SLX4IP: variants seen among roughly 807,000 people sequenced by gnomAD.
The protein encoded by SLX4IP is protein SLX4IP.
A neutral mutation model predicts 32.9 loss-of-function variants in SLX4IP; 34 were observed. The observed-to-expected ratio is 1.03, with a 90% CI of 0.79 to 1.38. SLX4IP has a LOEUF of 1.38. Among genes scored for constraint, SLX4IP ranks in the 40% most tolerant of loss-of-function variants. The pLI, the probability that SLX4IP is intolerant of heterozygous loss-of-function variation, is 0.00. For synonymous variants in SLX4IP, 172 were observed against 171.7 expected (o/e 1.00, Z -0.01); for missense variants, 444 against 479.0 (o/e 0.93, Z 0.68).
intron 2 of SLX4IP, among the ~76,000 whole-genome samples, chr20:10,520,381 C>A (rs1255047900): frequency 6.6e-6 from 1 of 152,136 alleles, no homozygotes; most frequent in Non-Finnish European, 1.5e-5. Context: ...GGTTATTTAT[C>A]TTTTTATTGT....
At chr20:10,559,145 T>C (rs1419047741) in intron 3 of SLX4IP, among the ~76,000 whole-genome samples, 2 of 151,538 alleles carry the variant, frequency 1.3e-5, no homozygotes, top group Non-Finnish European at 2.9e-5. Context: ...AAAAAACCTA[T>C]GAGGCGGCAA....
At chr20:10,568,955 C>T (rs1472378707) in intron 4 of SLX4IP, among the ~76,000 whole-genome samples, 1 of 152,190 alleles carries the variant, frequency 6.6e-6, no homozygotes, top group African/African-American at 2.4e-5. Flanking sequence ...CCTAATCCTC[C>T]TCAAAAGTTC....
intron 2 of SLX4IP, among the ~76,000 whole-genome samples, chr20:10,482,712 T>C (rs2065534380): frequency 1.3e-5 from 2 of 152,152 alleles, no homozygotes; most frequent in Admixed American, 6.5e-5. Context: ...CTATACTTCA[T>C]AGAAGGAAAG....
chr20:10,540,282 C>G (rs562981914), intron 2 of SLX4IP, among the ~76,000 whole-genome samples: 2 of 151,762 alleles, frequency 1.3e-5, no homozygotes, highest in East Asian at 1.9e-4. Flanking sequence ...AACAAGCCGT[C>G]CTGGTGAATC....
chr20:10,584,339 G>A (rs1353299091), intron 4 of SLX4IP, among the ~76,000 whole-genome samples: 3 of 152,174 alleles, frequency 2.0e-5, no homozygotes, highest in Non-Finnish European at 2.9e-5. Flanking sequence ...CCTCTTCACT[G>A]TTGCTATAGA....
At chr20:10,503,690 A>T (rs2122417489) in intron 2 of SLX4IP, among the ~76,000 whole-genome samples, 1 of 152,302 alleles carries the variant, frequency 6.6e-6, no homozygotes, top group East Asian at 1.9e-4. Context: ...ATGGGTCTGG[A>T]TGCCAGAAGT....
At chr20:10,595,847 G>A (rs781397479) in intron 4 of SLX4IP, among the ~76,000 whole-genome samples, 2 of 152,150 alleles carry the variant, frequency 1.3e-5, no homozygotes, top group Non-Finnish European at 2.9e-5. Context: ...TTTGGATTAA[G>A]CAGGTGCAAA....
intron 3 of SLX4IP, 99 bp downstream of exon 3, chr20:10,556,419 T>A (rs2066268023): frequency 3.4e-6 from 4 of 1,184,834 alleles, no homozygotes; most frequent in Non-Finnish European, 4.8e-6. Context: ...GGGAAAAAAA[T>A]GTTGCGTATT....
intron 2 of SLX4IP, among the ~76,000 whole-genome samples, chr20:10,544,875 A>G (rs1237961120): frequency 6.6e-6 from 1 of 151,958 alleles, no homozygotes; most frequent in African/African-American, 2.4e-5. Context: ...TTGTAACCTC[A>G]AAAAAAGTTC....
intron 2 of SLX4IP, among the ~76,000 whole-genome samples, chr20:10,494,557 T>C (rs1469766125): frequency 6.6e-6 from 1 of 152,054 alleles, no homozygotes. Context: ...GTATTTAACA[T>C]TATCCTCCTT....
chr20:10,500,597 A>T (rs1179700183), intron 2 of SLX4IP, among the ~76,000 whole-genome samples: 1 of 152,086 alleles, frequency 6.6e-6, no homozygotes, highest in Non-Finnish European at 1.5e-5. Context: ...CAAAAAAATT[A>T]AAAAATTAAC....
At chr20:10,503,188 C>T (rs541117528) in intron 2 of SLX4IP, among the ~76,000 whole-genome samples, 7 of 152,226 alleles carry the variant, frequency 4.6e-5, no homozygotes, top group African/African-American at 1.7e-4. Flanking sequence ...CTTCTGTATG[C>T]CAAGGTTAAG....
At chr20:10,452,672 A>T (rs1451912446) in intron 1 of SLX4IP, among the ~76,000 whole-genome samples, 108 of 73,836 alleles carry the variant, frequency 1.5e-3, no homozygotes, top group South Asian at 4.7e-3. Context: ...CTCAAAAAAA[A>T]AAAAAAAAAT....
chr20:10,567,180 GGCCAGCCA>G (rs900049914), intron 4 of SLX4IP, among the ~76,000 whole-genome samples: 2 of 152,108 alleles, frequency 1.3e-5, no homozygotes, highest in African/African-American at 4.8e-5. Flanking sequence ...TAGGGAAAGA[GGCCAGCCA>G]GCATCCATGG....
rs562921617 is a variant in SLX4IP, at chr20:10,624,205, C to T, written c.*826C>T. ...GAAGTCGATGGGCGATTCTGCCCAACCTTAGGAGAAGACATCAGAGAGGCT... is the reference window on the plus strand; with the variant it reads ...GAAGTCGATGGGCGATTCTGCCCAATCTTAGGAGAAGACATCAGAGAGGCT... On this transcript the variant is annotated 3_prime_UTR_variant, in exon 8 of 8. Coordinates refer to ENST00000334534, the MANE Select transcript of SLX4IP (RefSeq NM_001009608.3). 1.1e-4 allele frequency: 16 copies of T among 152,368 alleles called. No individual in the cohort carries two copies. The highest frequency in any genetic ancestry group is 3.6e-4 in the African/African-American group (15 of 41,576). The allele number at this position is 152,368 out of a possible 1,614,324, so 9.4% of individuals were successfully genotyped here. A position where few individuals can be genotyped will look rare whatever the true frequency, so the allele number is the denominator to read the frequency against.
chr20:10,551,445 T>C (rs1832416061), intron 2 of SLX4IP, among the ~76,000 whole-genome samples: 1 of 152,238 alleles, frequency 6.6e-6, no homozygotes, highest in South Asian at 2.1e-4. Flanking sequence ...GGCTGTGATT[T>C]GCCCAATTCT....
chr20:10,487,199 C>T (rs1274482162), intron 2 of SLX4IP, among the ~76,000 whole-genome samples: 1 of 152,166 alleles, frequency 6.6e-6, no homozygotes, highest in Admixed American at 6.5e-5. Context: ...CTTATTTATT[C>T]ACTTTTGGAA....
intron 2 of SLX4IP, among the ~76,000 whole-genome samples, chr20:10,527,813 G>C (rs1366660450): frequency 2.6e-5 from 4 of 152,140 alleles, no homozygotes; most frequent in African/African-American, 9.7e-5. Flanking sequence ...AAGTTTGTCA[G>C]TGATTTCTTT....
chr20:10,551,317 G>T (rs2066215943), intron 2 of SLX4IP, among the ~76,000 whole-genome samples: 1 of 152,188 alleles, frequency 6.6e-6, no homozygotes, highest in Non-Finnish European at 1.5e-5. Context: ...TGATGGCAGA[G>T]TTGTCGCTAC....
Sources: gnomAD v4.1 joint callset for allele counts (sites outside exome capture counted in the v4.1 genomes callset) on GRCh38, gnomAD v4.1.1 for gene constraint, MANE v1.5 for transcripts, NCBI Gene and HGNC (gene_info 2026-07-23, HGNC 2026-07-21) for gene names.